DGCR2: variants seen among roughly 807,000 people sequenced by gnomAD.
DGCR2 encodes the protein DiGeorge syndrome critical region gene 2.
A neutral mutation model predicts 51.6 loss-of-function variants in DGCR2; 24 were observed. The observed-to-expected ratio is 0.47, with a 90% CI of 0.34 to 0.65. DGCR2 has a LOEUF of 0.65. Among genes scored for constraint, DGCR2 ranks in the 30% least tolerant of loss-of-function variants. The pLI is 0.01. For missense variants in DGCR2, 765 were observed against 772.1 expected (o/e 0.99, Z 0.11); for synonymous variants, 340 against 315.4 (o/e 1.08, Z -0.82).
At chr22:19,112,442 T>C (rs914618606) in intron 1 of DGCR2, among the ~76,000 whole-genome samples, 8 of 103,312 alleles carry the variant, frequency 7.7e-5, no homozygotes, top group African/African-American at 2.7e-4. Flanking sequence ...AACAGGTTTT[T>C]TTTTTGGTTT....
intron 1 of DGCR2, among the ~76,000 whole-genome samples, chr22:19,092,635 T>C (rs2083091150): frequency 6.6e-6 from 1 of 152,086 alleles, no homozygotes; most frequent in African/African-American, 2.4e-5. Context: ...CTCCAAATAT[T>C]TAAGGAAGAA....
intron 2 of DGCR2, among the ~76,000 whole-genome samples, chr22:19,084,471 C>A (rs2082984328): frequency 2.1e-5 from 3 of 143,926 alleles, no homozygotes; most frequent in Admixed American, 2.1e-4. Flanking sequence ...AAGTGAGGGG[C>A]CCCTTTGCCC....
At chr22:19,043,302 T>C (rs907592767) in intron 7 of DGCR2, among the ~76,000 whole-genome samples, 11 of 152,208 alleles carry the variant, frequency 7.2e-5, no homozygotes, top group African/African-American at 2.4e-4. Context: ...ACACAGTATC[T>C]GGTCCAAATG....
At chr22:19,094,320 C>T (rs764923601) in intron 1 of DGCR2, among the ~76,000 whole-genome samples, 13 of 152,164 alleles carry the variant, frequency 8.5e-5, no homozygotes, top group Non-Finnish European at 1.8e-4. Flanking sequence ...CCCAGCTATT[C>T]AGGAGGCTGA....
chr22:19,037,087 G>A lies in DGCR2; in HGVS notation c.*1778C>T, dbSNP rs531196663. 6.6e-6 allele frequency: 1 copy of A among 152,434 alleles called. No individual in the cohort carries two copies. The highest frequency in any genetic ancestry group is 2.1e-4 in the South Asian group (1 of 4,824). 9.4% of individuals were successfully genotyped at this position (152,434 alleles called of 1,614,324 possible). On this transcript the variant is annotated 3_prime_UTR_variant, in exon 10 of 10. Coordinates refer to ENST00000263196, the MANE Select transcript of DGCR2 (RefSeq NM_005137.3). ...CTGGCTGCCCTGCCCCAGTGCATGT[G>A]GGATCCACGGCATGCTTCCTGCTTC...
At chr22:19,063,170 T>C in intron 5 of DGCR2, 32 bp downstream of exon 5, 1 of 1,608,664 alleles carries the variant, frequency 6.2e-7, no homozygotes, top group South Asian at 1.1e-5. Flanking sequence ...TCTGCCCAGC[T>C]TCAAACACTC....
At chr22:19,082,149 G>A (rs1316126320) in intron 2 of DGCR2, among the ~76,000 whole-genome samples, 3 of 149,572 alleles carry the variant, frequency 2.0e-5, no homozygotes, top group African/African-American at 4.9e-5. Context: ...AGGGACTCAG[G>A]TGATTCTTCC....
chr22:19,103,170 T>C (rs2083222708), intron 1 of DGCR2, among the ~76,000 whole-genome samples: 1 of 152,026 alleles, frequency 6.6e-6, no homozygotes, highest in Non-Finnish European at 1.5e-5. Context: ...ATGATTCCAT[T>C]AGTATGAAAT....
At position 19,064,841 on chromosome 22, in the gene DGCR2, G is replaced by C; in HGVS notation, c.548+7C>G. On this transcript the variant is annotated splice_region_variant and intron_variant, in intron 4 of 9. Coordinates refer to ENST00000263196, the MANE Select transcript of DGCR2 (RefSeq NM_005137.3). ...CCAGCCCCTCAGGTCCCCAATCCAG[G>C]ACTCACTTGCGCTGGTCCTTCCAAC... The C allele has an allele frequency of 6.2e-7, 1 of 1,612,648 alleles. No homozygotes were observed. Among genetic ancestry groups the C allele is most frequent in the Non-Finnish European group, 8.5e-7 (1 of 1,179,468 alleles).
At chr22:19,088,766 G>A (rs111332548) in intron 2 of DGCR2, among the ~76,000 whole-genome samples, 5,574 of 152,236 alleles carry the variant, frequency 0.037, 306 homozygotes, top group African/African-American at 0.13. Context: ...TGAGAACAAC[G>A]GATCCAGTGA....
rs894530242 is a variant in DGCR2, at chr22:19,057,478, G to C, written c.626-316C>G. On this transcript the variant is annotated intron_variant, in intron 5 of 9. Transcript: ENST00000263196. The surrounding 1 kb of genome is among the most constrained non-coding windows in gnomAD (Gnocchi z 5.1). ...GGTTAGTGGGTGGCATTTAAAGTTA[G>C]AGCAACAGCATAATAACAAAGTAAT... is the stretch of plus-strand genomic sequence containing the variant. Among the ~76,000 whole-genome samples, 1 of 152,224 alleles carries C rather than the reference G, an allele frequency of 6.6e-6. No homozygotes were observed. Among genetic ancestry groups the C allele is most frequent in the Admixed American group, 6.5e-5 (1 of 15,278 alleles).
At chr22:19,063,915 A>G (rs1353269190) in intron 4 of DGCR2, among the ~76,000 whole-genome samples, 2 of 152,192 alleles carry the variant, frequency 1.3e-5, no homozygotes, top group Admixed American at 6.5e-5. Context: ...TGTGAACTGC[A>G]TCTCAATAAA....
rs146823992 is a variant in DGCR2 at position 19,109,775 on chromosome 22, T to C, written c.79+12353A>G. 7.2e-5 allele frequency among the ~76,000 whole-genome samples: 11 copies of C among 152,288 alleles called. No individual in the cohort carries two copies. In the East Asian group the frequency reaches 2.1e-3, roughly 29 times the overall value. On this transcript the variant is annotated intron_variant, in intron 1 of 9. Coordinates refer to ENST00000263196, the MANE Select transcript of DGCR2 (RefSeq NM_005137.3). ...TGAATTGAGTGGTTATGATGGCATATTTTACGTTATTAAAAAAAAACTGCG... is the reference window on the plus strand; with the variant it reads ...TGAATTGAGTGGTTATGATGGCATACTTTACGTTATTAAAAAAAAACTGCG...
intron 1 of DGCR2, among the ~76,000 whole-genome samples, chr22:19,102,779 G>A (rs571024620): frequency 3.9e-4 from 59 of 152,288 alleles, no homozygotes; most frequent in Non-Finnish European, 6.0e-4. Flanking sequence ...GCTGAGACAG[G>A]AAGATCGCTT....
rs1363378877 is a variant in DGCR2, at chr22:19,039,139, G to A, written c.1397-18C>T. 5.6e-6 allele frequency: 9 copies of A among 1,612,282 alleles called. No individual in the cohort carries two copies. The highest frequency in any genetic ancestry group is 2.2e-5 in the South Asian group (2 of 91,016). On this transcript the variant is annotated intron_variant, in intron 9 of 9. Transcript: ENST00000263196. ...ATCATCGTCTGCAGGAAGAGACAGA[G>A]GGGTGTCAGAGGCAGGTACGGGCCT...
intron 1 of DGCR2, among the ~76,000 whole-genome samples, chr22:19,092,593 C>G (rs902227561): frequency 6.6e-6 from 1 of 152,150 alleles, no homozygotes; most frequent in South Asian, 2.1e-4. Flanking sequence ...TCAAAGGAAA[C>G]TCCAGGCACA....
At chr22:19,103,035 T>C (rs568666641) in intron 1 of DGCR2, among the ~76,000 whole-genome samples, 1 of 152,312 alleles carries the variant, frequency 6.6e-6, no homozygotes, top group East Asian at 1.9e-4. Context: ...TGGTAAATTT[T>C]ATGTTACATA....
intron 6 of DGCR2, among the ~76,000 whole-genome samples, chr22:19,054,297 T>C (rs1486858223): frequency 6.6e-6 from 1 of 152,322 alleles, no homozygotes; most frequent in South Asian, 2.1e-4. Flanking sequence ...AAGAAACATG[T>C]AGAGAAAGTG....
chr22:19,083,673 CCCCTCT>C (rs1173605604), intron 2 of DGCR2, among the ~76,000 whole-genome samples: 17 of 119,418 alleles, frequency 1.4e-4, no homozygotes, highest in Non-Finnish European at 2.5e-4. Context: ...AAAGATGGTT[CCCCTCT>C]CCCTCTCCCT....
Sources: gnomAD v4.1 joint callset for allele counts (sites outside exome capture counted in the v4.1 genomes callset) on GRCh38, gnomAD v4.1.1 for gene constraint, Gnocchi (gnomAD v3.1) non-coding constraint, MANE v1.5 for transcripts, NCBI Gene and HGNC (gene_info 2026-07-23, HGNC 2026-07-21) for gene names.